The following MECOM variants were observed in gnomAD, a reference collection of about 807,000 sequenced individuals.
MECOM encodes histone-lysine N-methyltransferase MECOM.
MECOM carries 13 observed loss-of-function variants against 116.3 expected under a neutral mutation model. The observed-to-expected ratio is 0.11, with a 90% CI of 0.07 to 0.18. MECOM has a LOEUF of 0.18. Ranked by LOEUF, MECOM falls within the 10% of genes least tolerant of loss-of-function variation. The probability of loss-of-function intolerance (pLI) is 1.00; values close to 1 mark genes in which losing one functional copy is unlikely to be tolerated. For synonymous variants in MECOM, 528 were observed against 535.2 expected (o/e 0.99, Z 0.19); for missense variants, 1,299 against 1,509.0 (o/e 0.86, Z 2.31).
chr3:169,662,855 G>A (rs1302899047), intron 1 of MECOM, among the ~76,000 whole-genome samples: 1 of 151,982 alleles, frequency 6.6e-6, no homozygotes, highest in African/African-American at 2.4e-5. Context: ...GGCTCGAAAA[G>A]GCTCCCTTCT....
intron 1 of MECOM, among the ~76,000 whole-genome samples, chr3:169,604,443 G>T (rs1409822928): frequency 6.6e-6 from 1 of 152,218 alleles, no homozygotes; most frequent in Non-Finnish European, 1.5e-5. Context: ...CCTTGTTAAT[G>T]ATGGGCTGGA....
chr3:169,377,700 A>C (rs921261925), intron 2 of MECOM, among the ~76,000 whole-genome samples: 1 of 152,228 alleles, frequency 6.6e-6, no homozygotes, highest in African/African-American at 2.4e-5. Flanking sequence ...GTGGACAAAT[A>C]GGAATGATTT....
chr3:169,484,366 G>A (rs1040581565), intron 1 of MECOM, among the ~76,000 whole-genome samples: 2 of 151,688 alleles, frequency 1.3e-5, no homozygotes, highest in African/African-American at 4.9e-5. Context: ...AATATGGAAG[G>A]TAAAAGGTAA....
intron 2 of MECOM, among the ~76,000 whole-genome samples, chr3:169,344,840 C>T (rs1003093683): frequency 1.2e-4 from 19 of 152,108 alleles, no homozygotes; most frequent in Non-Finnish European, 2.6e-4. Flanking sequence ...TTCCTGTCAA[C>T]CTTTGATCCC....
chr3:169,165,670 A>G (rs1743469735), intron 2 of MECOM, among the ~76,000 whole-genome samples: 1 of 152,194 alleles, frequency 6.6e-6, no homozygotes, highest in Admixed American at 6.6e-5. Flanking sequence ...ACAAAACTGT[A>G]TGCTAGTGAC....
intron 2 of MECOM, among the ~76,000 whole-genome samples, chr3:169,315,149 A>T (rs1189365346): frequency 2.6e-5 from 4 of 152,180 alleles, no homozygotes; most frequent in Admixed American, 6.5e-5. Context: ...ATGCCTGCAG[A>T]ATAGGGTGGG....
At chr3:169,135,080 C>T (rs1242594717) in intron 3 of MECOM, among the ~76,000 whole-genome samples, 2 of 152,058 alleles carry the variant, frequency 1.3e-5, no homozygotes, top group African/African-American at 4.8e-5. Context: ...AATCTGTATT[C>T]TCAAAATCTT....
intron 1 of MECOM, among the ~76,000 whole-genome samples, chr3:169,504,691 T>C (rs1222075441): frequency 1.3e-5 from 2 of 152,138 alleles, no homozygotes; most frequent in East Asian, 3.9e-4. Context: ...TATCAAAGGA[T>C]AGCAATGACA....
At chr3:169,629,742 G>A (rs1280373794) in intron 1 of MECOM, among the ~76,000 whole-genome samples, 3 of 152,204 alleles carry the variant, frequency 2.0e-5, no homozygotes, top group African/African-American at 7.2e-5. Flanking sequence ...TCAGGGACAA[G>A]TGGGGAGGTT....
At chr3:169,453,099 G>A (rs1166349343) in intron 1 of MECOM, among the ~76,000 whole-genome samples, 2 of 152,184 alleles carry the variant, frequency 1.3e-5, no homozygotes, top group Non-Finnish European at 2.9e-5. Flanking sequence ...TAAAACAATT[G>A]AAAGTCACAG....
chr3:169,662,203 C>T (rs1776368430), intron 1 of MECOM, among the ~76,000 whole-genome samples: 1 of 152,218 alleles, frequency 6.6e-6, no homozygotes, highest in South Asian at 2.1e-4. Context: ...CCTTAGCCCA[C>T]ATCCCGCCAG....
At chr3:169,235,477 A>ACATG (rs2149532304) in intron 2 of MECOM, among the ~76,000 whole-genome samples, 1 of 152,278 alleles carries the variant, frequency 6.6e-6, no homozygotes, top group Admixed American at 6.5e-5. Context: ...TGACAAATGC[A>ACATG]CATGCATACA....
chr3:169,460,737 C>G (rs1417910091), intron 1 of MECOM, among the ~76,000 whole-genome samples: 2 of 152,164 alleles, frequency 1.3e-5, no homozygotes, highest in African/African-American at 4.8e-5. Flanking sequence ...AACAAGGCCC[C>G]CATTAGCCCT....
rs539725866 is a variant in MECOM, at chr3:169,301,115, C to T, written c.375+80072G>A. Reference sequence around the variant, plus strand: ...GGCTAATGTGGAATTAATTAAATATCGGCGCGATTCTGTTAGATAATAACA... The same window carrying T: ...GGCTAATGTGGAATTAATTAAATATTGGCGCGATTCTGTTAGATAATAACA... On this transcript the variant is annotated intron_variant, in intron 2 of 16. Coordinates refer to ENST00000651503, the MANE Select transcript of MECOM (RefSeq NM_004991.4). Among the ~76,000 whole-genome samples, 15 of 152,274 alleles carry T rather than the reference C, an allele frequency of 9.9e-5. No homozygotes were observed. The South Asian group carries it at 2.1e-3, about 21-fold the overall frequency.
At chr3:169,473,965 G>T (rs74868079) in intron 1 of MECOM, among the ~76,000 whole-genome samples, 3 of 152,014 alleles carry the variant, frequency 2.0e-5, no homozygotes, top group African/African-American at 7.2e-5. Flanking sequence ...GAATACGCTC[G>T]CATCTTTCCT....
At chr3:169,565,813 G>T (rs913670620) in intron 1 of MECOM, among the ~76,000 whole-genome samples, 1 of 152,192 alleles carries the variant, frequency 6.6e-6, no homozygotes, top group Non-Finnish European at 1.5e-5. Flanking sequence ...AGTAGTTTGT[G>T]TTCTCCAACA....
At chr3:169,150,203 T>C (rs899054787) in intron 2 of MECOM, among the ~76,000 whole-genome samples, 4 of 152,204 alleles carry the variant, frequency 2.6e-5, no homozygotes, top group African/African-American at 7.2e-5. Flanking sequence ...AAGAATTATT[T>C]AGAAGACCTG....
chr3:169,429,946 A>G (rs1741342120), intron 1 of MECOM, among the ~76,000 whole-genome samples: 1 of 152,220 alleles, frequency 6.6e-6, no homozygotes, highest in African/African-American at 2.4e-5. Context: ...CTGAAAGTTC[A>G]AAGATATAGC....
intron 2 of MECOM, among the ~76,000 whole-genome samples, chr3:169,166,194 C>CA (rs1295125224): frequency 1.3e-5 from 2 of 152,082 alleles, no homozygotes; most frequent in Admixed American, 6.6e-5. Context: ...AACTTTTCTT[C>CA]AAAAAATGCC....
Sources: gnomAD v4.1 joint callset for allele counts (sites outside exome capture counted in the v4.1 genomes callset) on GRCh38, gnomAD v4.1.1 for gene constraint, MANE v1.5 for transcripts, NCBI Gene and HGNC (gene_info 2026-07-23, HGNC 2026-07-21) for gene names.